Variants in ATP2B1 observed in about 807,000 individuals in gnomAD.
ATP2B1 encodes the protein plasma membrane calcium-transporting ATPase 1.
A neutral mutation model predicts 124.2 loss-of-function variants in ATP2B1; 14 were observed. That is an observed-to-expected ratio of 0.11 (90% confidence interval 0.07 to 0.18). ATP2B1 has a LOEUF of 0.18. ATP2B1 is among the 10% of genes least tolerant of loss of function. The probability of loss-of-function intolerance (pLI) is 1.00; values close to 1 mark genes in which losing one functional copy is unlikely to be tolerated. For missense variants in ATP2B1, 763 were observed against 1,466.1 expected (o/e 0.52, Z 7.83); for synonymous variants, 449 against 492.4 (o/e 0.91, Z 1.17).
intron 20 of ATP2B1, chr12:89,598,522 AAAATGAG>A: frequency 1.4e-6 from 2 of 1,472,762 alleles, no homozygotes; most frequent in Non-Finnish European, 1.8e-6. Flanking sequence ...CATTAAGGAG[AAAATGAG>A]AAACGTTAGG....
intron 1 of ATP2B1, among the ~76,000 whole-genome samples, chr12:89,678,096 C>T (rs761096073): frequency 7.3e-5 from 11 of 150,544 alleles, no homozygotes; most frequent in South Asian, 6.3e-4. Flanking sequence ...CTGGCCCCTA[C>T]TTAACAAAAG....
chr12:89,699,810 A>AGTG (rs1427514983), intron 1 of ATP2B1, among the ~76,000 whole-genome samples: 1 of 152,112 alleles, frequency 6.6e-6, no homozygotes, highest in Admixed American at 6.6e-5. Flanking sequence ...TAAATTATGT[A>AGTG]CATAAAAACA....
Position 89,662,850 on chromosome 12 carries a change from C to T in ATP2B1, c.-221-6743G>A, listed in dbSNP as rs571630755. ...GTACAGTACTTTAAAGGGCAAGTTA[C>T]AGCTGCTGTCAGTTATAAACTTGGC... is the stretch of plus-strand genomic sequence containing the variant. On this transcript the variant is annotated intron_variant, in intron 1 of 20. Coordinates refer to ENST00000428670, the MANE Select transcript of ATP2B1 (RefSeq NM_001366521.1). 2.0e-5 allele frequency among the ~76,000 whole-genome samples: 3 copies of T among 152,200 alleles called. No individual in the cohort carries two copies. The South Asian group carries it at 6.2e-4, about 32-fold the overall frequency.
chr12:89,628,876 T>G (rs770526391), intron 6 of ATP2B1, among the ~76,000 whole-genome samples: 2 of 152,096 alleles, frequency 1.3e-5, no homozygotes. Context: ...TCCAGGCCAC[T>G]GAGGGAACTG....
intron 12 of ATP2B1, among the ~76,000 whole-genome samples, chr12:89,614,749 C>T (rs773830221): frequency 3.9e-4 from 59 of 152,170 alleles, no homozygotes; most frequent in Non-Finnish European, 5.1e-4. Context: ...ATGTCTCAGA[C>T]ACCTCAACAA....
At chr12:89,686,321 A>G (rs1395845023) in intron 1 of ATP2B1, among the ~76,000 whole-genome samples, 1 of 152,058 alleles carries the variant, frequency 6.6e-6, no homozygotes, top group South Asian at 2.1e-4. Context: ...CAATATCTAC[A>G]ATCCATTGTA....
chr12:89,649,322 G>A (rs775008632), intron 2 of ATP2B1, among the ~76,000 whole-genome samples: 11 of 152,234 alleles, frequency 7.2e-5, no homozygotes, highest in South Asian at 2.1e-4. Context: ...CCACAGAGGC[G>A]GAGCTGCCCA....
At chr12:89,660,420 C>G (rs1403030357) in intron 1 of ATP2B1, among the ~76,000 whole-genome samples, 2 of 152,094 alleles carry the variant, frequency 1.3e-5, no homozygotes, top group Non-Finnish European at 2.9e-5. Context: ...ATAAGAAATG[C>G]AACACCATAT....
At chr12:89,661,718 G>A (rs77145671) in intron 1 of ATP2B1, among the ~76,000 whole-genome samples, 3 of 152,076 alleles carry the variant, frequency 2.0e-5, no homozygotes, top group African/African-American at 7.2e-5. Context: ...AAGAACTCAA[G>A]AGATCTCCAT....
chr12:89,699,994 G>C (rs1891638831), intron 1 of ATP2B1, among the ~76,000 whole-genome samples: 1 of 150,036 alleles, frequency 6.7e-6, no homozygotes, highest in Non-Finnish European at 1.5e-5. Context: ...ACAGGTACAC[G>C]ACACCATGCC....
At chr12:89,595,258 T>C (rs140258950) in intron 20 of ATP2B1, among the ~76,000 whole-genome samples, 1 of 152,162 alleles carries the variant, frequency 6.6e-6, no homozygotes, top group East Asian at 1.9e-4. Context: ...GACAACAGGC[T>C]AGATTTGGCC....
intron 5 of ATP2B1, among the ~76,000 whole-genome samples, chr12:89,634,158 TC>T (rs1338670266): frequency 2.0e-5 from 3 of 152,110 alleles, no homozygotes; most frequent in Non-Finnish European, 4.4e-5. Flanking sequence ...TCCTCACCTA[TC>T]CTTCCCTTCT....
chr12:89,630,693 T>C, intron 5 of ATP2B1, 48 bp from the exon 6 acceptor site: 2 of 1,344,562 alleles, frequency 1.5e-6, no homozygotes, highest in Non-Finnish European at 1.9e-6. Flanking sequence ...ATAGATCTCC[T>C]TGCTACCACC....
chr12:89,619,654 A>C (rs1879646287), intron 11 of ATP2B1, among the ~76,000 whole-genome samples: 1 of 151,776 alleles, frequency 6.6e-6, no homozygotes, highest in African/African-American at 2.4e-5. Context: ...GAAAGACATA[A>C]ACTTGATTTT....
chr12:89,619,660 A>T (rs1672421106), intron 11 of ATP2B1, among the ~76,000 whole-genome samples: 1 of 151,360 alleles, frequency 6.6e-6, no homozygotes, highest in Non-Finnish European at 1.5e-5. Context: ...CATAAACTTG[A>T]TTTTCTTCCC....
At chr12:89,663,784 A>T (rs772246306) in intron 1 of ATP2B1, among the ~76,000 whole-genome samples, 13 of 152,214 alleles carry the variant, frequency 8.5e-5, no homozygotes, top group Non-Finnish European at 1.6e-4. Flanking sequence ...TGCTACTGTT[A>T]ACCACTCCCT....
intron 1 of ATP2B1, among the ~76,000 whole-genome samples, chr12:89,693,543 C>A (rs545525685): frequency 1.3e-5 from 2 of 152,208 alleles, no homozygotes; most frequent in East Asian, 1.9e-4. Context: ...AGCACACAGC[C>A]GTTGCTTTTT....
chr12:89,706,712 T>C (rs1459381198), intron 1 of ATP2B1, among the ~76,000 whole-genome samples: 1 of 151,928 alleles, frequency 6.6e-6, no homozygotes, highest in Non-Finnish European at 1.5e-5. Flanking sequence ...GCGATAAAAA[T>C]CAAGAAGGCG....
chr12:89,634,438 G>A (rs1165054380), intron 5 of ATP2B1, among the ~76,000 whole-genome samples: 1 of 151,994 alleles, frequency 6.6e-6, no homozygotes, highest in East Asian at 1.9e-4. Context: ...ACTTCAATAG[G>A]CATTAAAAAT....
Sources: allele counts gnomAD v4.1 joint callset (sites outside exome capture counted in the v4.1 genomes callset), GRCh38; gene constraint gnomAD v4.1.1; transcripts MANE v1.5; gene names NCBI Gene and HGNC (gene_info 2026-07-23, HGNC 2026-07-21).